Variants in NAA60 observed in about 807,000 individuals in gnomAD.
The protein encoded by NAA60 is N-alpha-acetyltransferase 60.
A neutral mutation model predicts 26.1 loss-of-function variants in NAA60; 8 were observed. That is an observed-to-expected ratio of 0.31 (90% confidence interval 0.18 to 0.55). The LOEUF (loss-of-function observed/expected upper bound fraction) is 0.55. NAA60 is among the 20% of genes least tolerant of loss of function. The pLI is 0.93. For missense variants in NAA60, 290 were observed against 311.3 expected (o/e 0.93, Z 0.51); for synonymous variants, 131 against 122.5 (o/e 1.07, Z -0.46).
chr16:3,485,432 G>A (rs1057273391), intron 7 of NAA60, 35 bp from the exon 8 acceptor site: 1 of 459,586 alleles, frequency 2.2e-6, no homozygotes, highest in Admixed American at 2.3e-5. Context: ...TCTCCGCCGG[G>A]CCTTCACCCT....
chr16:3,443,998 G>A, intron 1 of NAA60, 161 bp downstream of exon 1: 1 of 1,299,766 alleles, frequency 7.7e-7, no homozygotes, highest in South Asian at 1.9e-5. Context: ...CTTTGTGTAC[G>A]TTCACAACGT....
At chr16:3,462,948 T>A (rs2035506150) in intron 2 of NAA60, among the ~76,000 whole-genome samples, 1 of 152,234 alleles carries the variant, frequency 6.6e-6, no homozygotes. Flanking sequence ...AAATATTTTT[T>A]AAAATTAGAT....
intron 2 of NAA60, among the ~76,000 whole-genome samples, chr16:3,459,623 CTG>C (rs1405296694): frequency 1.3e-5 from 2 of 152,114 alleles, no homozygotes; most frequent in Admixed American, 6.5e-5. Flanking sequence ...CATGATTGGG[CTG>C]TGGTTTGCTG....
At chr16:3,459,367 A>G (rs1056084907) in intron 2 of NAA60, among the ~76,000 whole-genome samples, 2 of 152,224 alleles carry the variant, frequency 1.3e-5, no homozygotes, top group African/African-American at 4.8e-5. Flanking sequence ...AGTCTTCAAC[A>G]TCTTTGAATT....
intron 1 of NAA60, among the ~76,000 whole-genome samples, chr16:3,447,798 C>T (rs2034614677): frequency 6.6e-6 from 1 of 152,198 alleles, no homozygotes; most frequent in South Asian, 2.1e-4. Context: ...ATTAGCACAA[C>T]TTCTAGCTGG....
At chr16:3,484,601 C>T in intron 6 of NAA60, 98 bp from the exon 7 acceptor site, 1 of 1,474,102 alleles carries the variant, frequency 6.8e-7, no homozygotes, top group Admixed American at 2.1e-5. Flanking sequence ...GGCTTGCCAT[C>T]TGCACACAGT....
intron 2 of NAA60, among the ~76,000 whole-genome samples, chr16:3,449,636 G>C (rs556941946): frequency 2.0e-5 from 3 of 152,292 alleles, no homozygotes; most frequent in South Asian, 4.1e-4. Context: ...AGTGAGCTGA[G>C]ATCGCACCAC....
intron 2 of NAA60, among the ~76,000 whole-genome samples, chr16:3,462,096 A>AAAAAAAAAAAAC: frequency 6.6e-6 from 1 of 151,760 alleles, no homozygotes; most frequent in South Asian, 2.1e-4. Context: ...CAAAAAAAAA[A>AAAAAAAAAAAAC]AAAAAAAAAC....
chr16:3,484,628 C>T (rs565691063), intron 6 of NAA60, 71 bp from the exon 7 acceptor site: 17 of 1,531,908 alleles, frequency 1.1e-5, no homozygotes, highest in East Asian at 7.4e-5. Flanking sequence ...GGCCACTGCG[C>T]GGGCCCCTGA....
chr16:3,479,255 C>T (rs182825857), intron 3 of NAA60, among the ~76,000 whole-genome samples: 6 of 152,216 alleles, frequency 3.9e-5, no homozygotes, highest in African/African-American at 1.2e-4. Context: ...GAAAAAAATT[C>T]CCATCAGAGA....
At chr16:3,475,046 G>A (rs2036390528) in intron 2 of NAA60, among the ~76,000 whole-genome samples, 3 of 150,812 alleles carry the variant, frequency 2.0e-5, no homozygotes, top group African/African-American at 7.3e-5. Context: ...CTTCCAAAGT[G>A]CTGGGATTAC....
At chr16:3,443,894 G>C (rs1278319763) in intron 1 of NAA60, 57 bp downstream of exon 1, 2 of 1,491,064 alleles carry the variant, frequency 1.3e-6, no homozygotes, top group African/African-American at 1.4e-5. Flanking sequence ...CCAGAGCAAG[G>C]TGATTGAGAG....
intron 2 of NAA60, among the ~76,000 whole-genome samples, chr16:3,473,315 T>C (rs1303146701): frequency 1.3e-5 from 2 of 152,176 alleles, no homozygotes; most frequent in Non-Finnish European, 2.9e-5. Flanking sequence ...CTCACGGTTG[T>C]ACATGGCTGG....
At chr16:3,454,323 C>G (rs941482981) in intron 2 of NAA60, among the ~76,000 whole-genome samples, 1 of 152,112 alleles carries the variant, frequency 6.6e-6, no homozygotes, top group African/African-American at 2.4e-5. Flanking sequence ...CTGGGAGTGC[C>G]GTTAGGTGTC....
chr16:3,481,367 G>C (rs886641383), intron 4 of NAA60, among the ~76,000 whole-genome samples: 6 of 152,158 alleles, frequency 3.9e-5, no homozygotes, highest in Non-Finnish European at 5.9e-5. Flanking sequence ...TTACAGGTGT[G>C]AGCCACCGTG....
At position 3,466,310 on chromosome 16, in the gene NAA60, A is replaced by G. The variant is rs185231869; in HGVS notation, c.-6-9912A>G. On this transcript the variant is annotated intron_variant, in intron 2 of 7. Coordinates refer to ENST00000407558, the MANE Select transcript of NAA60 (RefSeq NM_001083601.3). Reference sequence around the variant, plus strand: ...GTCTTCAGAGAGAGGCTGTTTGGAAATAGAGTGGTGGGTGTTTGCTTCTTG... The same window carrying G: ...GTCTTCAGAGAGAGGCTGTTTGGAAGTAGAGTGGTGGGTGTTTGCTTCTTG... 1.3e-3 allele frequency among the ~76,000 whole-genome samples: 198 copies of G among 152,322 alleles called. 1 individual carries two copies. The highest frequency in any genetic ancestry group is 4.6e-3 in the African/African-American group (192 of 41,578).
chr16:3,448,400 A>G, intron 1 of NAA60, 71 bp from the exon 2 acceptor site: 1 of 1,315,694 alleles, frequency 7.6e-7, no homozygotes, highest in Non-Finnish European at 1.0e-6. Context: ...TCTGACACTC[A>G]TTAGCCTATG....
chr16:3,480,609 AAAG>A (rs1555488677), intron 4 of NAA60, among the ~76,000 whole-genome samples: 100 of 145,768 alleles, frequency 6.9e-4, no homozygotes, highest in East Asian at 2.8e-3. Flanking sequence ...AAAAAAAAAA[AAAG>A]AAGAAGAAGA....
chr16:3,458,339 C>G (rs1355515416), intron 2 of NAA60, among the ~76,000 whole-genome samples: 1 of 151,124 alleles, frequency 6.6e-6, no homozygotes, highest in African/African-American at 2.4e-5. Context: ...GCCCCCGGCG[C>G]ACGGTCCTCC....
Sources: gnomAD v4.1 joint callset for allele counts (sites outside exome capture counted in the v4.1 genomes callset) on GRCh38, gnomAD v4.1.1 for gene constraint, MANE v1.5 for transcripts, NCBI Gene and HGNC (gene_info 2026-07-23, HGNC 2026-07-21) for gene names.